MCUR1: variants seen among roughly 807,000 people sequenced by gnomAD.
MCUR1 encodes the protein MCU regulator 1.
In MCUR1, 37 loss-of-function variants were observed where a neutral mutation model predicts 42.0. The ratio of observed to expected loss-of-function variants is 0.88; its 90% CI spans 0.68 to 1.16. MCUR1 has a LOEUF of 1.16. MCUR1 is among the 50% of genes most tolerant of loss of function. The probability of loss-of-function intolerance (pLI) is 0.00; values close to 1 mark genes in which losing one functional copy is unlikely to be tolerated. For synonymous variants in MCUR1, 229 were observed against 196.2 expected (o/e 1.17, Z -1.40); for missense variants, 469 against 468.4 (o/e 1.00, Z -0.01).
At chr6:13,790,999 C>T (rs538907847) in intron 8 of MCUR1, 135 bp from the exon 9 acceptor site, 15 of 571,128 alleles carry the variant, frequency 2.6e-5, no homozygotes, top group Admixed American at 6.8e-5. Context: ...TTCCGTGAAA[C>T]GCCTGCCTAC....
chr6:13,804,255 G>C (rs762237366), intron 2 of MCUR1: 2 of 198,242 alleles, frequency 1.0e-5, no homozygotes, highest in South Asian at 1.2e-4. Context: ...ACCGGGAGGT[G>C]GGGGTTGCAG....
In MCUR1 at chr6:13,787,872, T is replaced by C. The variant is rs1759637006; in HGVS notation, c.*2937A>G. 1 of 152,160 alleles carries C rather than the reference T, an allele frequency of 6.6e-6. No homozygotes were observed. Among genetic ancestry groups the C allele is most frequent in the Admixed American group, 6.6e-5 (1 of 15,266 alleles). The allele number at this position is 152,160 out of a possible 1,614,324, so 9.4% of individuals were successfully genotyped here. A position where few individuals can be genotyped will look rare whatever the true frequency, so the allele number is the denominator to read the frequency against. ...TCAGGAGGTTCTATTTACTTATTTA[T>C]TTATTTTGAGACAGAGTCTCACTGT... On this transcript the variant is annotated 3_prime_UTR_variant, in exon 9 of 9. Transcript: ENST00000379170.
In MCUR1 at chr6:13,814,267, GAGGGCGC is replaced by G. The variant is rs1437810676; in HGVS notation, c.156_162del (p.Arg53AlafsTer20). On this transcript the variant is annotated frameshift_variant, in exon 1 of 9. Transcript: ENST00000379170. LOFTEE classifies it high-confidence loss of function. ...ACGCCGCCGCGGGCCGCCGGGGCGC[GAGGGCGC>G]AGCGCCCCCAGACCGTCGGAGAGCG... 6.8e-7 allele frequency: 1 copy of G among 1,477,220 alleles called. No individual in the cohort carries two copies. Among genetic ancestry groups the G allele is most frequent in the African/African-American group, 1.5e-5 (1 of 68,160 alleles). 91.5% of individuals were successfully genotyped at this position (1,477,220 alleles called of 1,614,324 possible).
intron 8 of MCUR1, 101 bp from the exon 9 acceptor site, chr6:13,790,965 T>C (rs1188579002): frequency 5.9e-6 from 5 of 846,372 alleles, no homozygotes; most frequent in African/African-American, 5.3e-5. Context: ...CCTAGAAACT[T>C]AGATTGCTCA....
chr6:13,805,910 A>C (rs571634001), intron 2 of MCUR1, among the ~76,000 whole-genome samples: 2 of 152,344 alleles, frequency 1.3e-5, no homozygotes, highest in South Asian at 4.1e-4. Context: ...ATATACCAGA[A>C]CAATCTTTTA....
chr6:13,789,905 T>C lies in MCUR1; in HGVS notation c.*904A>G, dbSNP rs997317454. On this transcript the variant is annotated 3_prime_UTR_variant, in exon 9 of 9. Transcript: ENST00000379170. ...TTGCAATGCTTCTTTAGACAGCTGA[T>C]TTTTCTGGCTGGAAGGCACATTAAA... 3 of 152,122 alleles carry C rather than the reference T, an allele frequency of 2.0e-5. No individual in the cohort carries two copies. Among genetic ancestry groups the C allele is most frequent in the Admixed American group, 6.6e-5 (1 of 15,264 alleles). The allele number at this position is 152,122 out of a possible 1,614,324, so 9.4% of individuals were successfully genotyped here. A position where few individuals can be genotyped will look rare whatever the true frequency, so the allele number is the denominator to read the frequency against.
At position 13,800,394 on chromosome 6, in the gene MCUR1, T is replaced by TA. The variant is rs3215484; in HGVS notation, c.742-13dup. The TA allele has an allele frequency of 9.1e-3, 12,571 of 1,374,556 alleles. 58 individuals are homozygous for TA. Among genetic ancestry groups the TA allele is most frequent in the Non-Finnish European group, 0.011 (11,327 of 986,758 alleles). 85.1% of individuals were successfully genotyped at this position (1,374,556 alleles called of 1,614,324 possible). ...TCGAGTTTTATTTTCTAAAAACACA[T>TA]AAAAAAAAAGTCATTAGAAAGAACA... On this transcript the variant is annotated splice_polypyrimidine_tract_variant and intron_variant, in intron 4 of 8. Coordinates refer to ENST00000379170, the MANE Select transcript of MCUR1 (RefSeq NM_001031713.4).
intron 2 of MCUR1, 69 bp from the exon 3 acceptor site, chr6:13,802,415 CA>C: frequency 1.7e-6 from 2 of 1,210,534 alleles, no homozygotes; most frequent in Non-Finnish European, 2.4e-6. Context: ...TGCACACATT[CA>C]TGTGAATGTC....
intron 7 of MCUR1, among the ~76,000 whole-genome samples, chr6:13,792,915 A>G (rs1468026577): frequency 6.6e-6 from 1 of 152,136 alleles, no homozygotes; most frequent in Non-Finnish European, 1.5e-5. Context: ...TAAAAATAGA[A>G]TAAGACTTCT....
chr6:13,801,212 GCT>G, intron 4 of MCUR1, 74 bp downstream of exon 4: 2 of 955,510 alleles, frequency 2.1e-6, no homozygotes, highest in Non-Finnish European at 3.3e-6. Context: ...CTTAACGTGT[GCT>G]CTTTTATGTG....
chr6:13,812,475 C>A (rs975174790), intron 1 of MCUR1, among the ~76,000 whole-genome samples: 8 of 152,158 alleles, frequency 5.3e-5, no homozygotes, highest in African/African-American at 1.9e-4. Flanking sequence ...TCTCTTTTTG[C>A]CCTATACTCT....
chr6:13,813,021 A>G (rs1035800077), intron 1 of MCUR1, among the ~76,000 whole-genome samples: 2 of 152,116 alleles, frequency 1.3e-5, no homozygotes, highest in African/African-American at 4.8e-5. Context: ...ACATATTTTT[A>G]CTCTACCTTT....
rs568452609 is a variant in MCUR1 at position 13,803,051 on chromosome 6, A to G, written c.536-705T>C. Among the ~76,000 whole-genome samples the G allele has an allele frequency of 5.9e-5, 9 of 152,284 alleles. No individual in the cohort carries two copies. The South Asian group carries it at 1.9e-3, about 32-fold the overall frequency. ...TACTGAATTGAATGATAGAGATTCAATGCAGTACTTGGTATTTTTTTTTTT... is the reference window on the plus strand; with the variant it reads ...TACTGAATTGAATGATAGAGATTCAGTGCAGTACTTGGTATTTTTTTTTTT... On this transcript the variant is annotated intron_variant, in intron 2 of 8. Coordinates refer to ENST00000379170, the MANE Select transcript of MCUR1 (RefSeq NM_001031713.4).
At chr6:13,797,677 C>T (rs559289237) in intron 6 of MCUR1, among the ~76,000 whole-genome samples, 32 of 149,992 alleles carry the variant, frequency 2.1e-4, no homozygotes, top group African/African-American at 7.1e-4. Context: ...CACTGCACTC[C>T]AGCCTGGGTG....
intron 6 of MCUR1, among the ~76,000 whole-genome samples, chr6:13,794,600 A>G (rs996065685): frequency 6.6e-6 from 1 of 151,314 alleles, no homozygotes. Flanking sequence ...ATAAAATACA[A>G]TGTAAATACA....
Position 13,788,184 on chromosome 6 carries a change from C to T in MCUR1, c.*2625G>A, listed in dbSNP as rs1759643432. The T allele has an allele frequency of 6.6e-6, 1 of 152,182 alleles. No homozygotes were observed. The highest frequency in any genetic ancestry group is 6.6e-5 in the Admixed American group (1 of 15,266). 9.4% of individuals were successfully genotyped at this position (152,182 alleles called of 1,614,324 possible). A position where few individuals can be genotyped will look rare whatever the true frequency, so the allele number is the denominator to read the frequency against. ...AGGCATGAGCCACCGCACCCAGCAT[C>T]AGTAAGTTTTAATATTACGTCTAGT... is the stretch of plus-strand genomic sequence containing the variant. On this transcript the variant is annotated 3_prime_UTR_variant, in exon 9 of 9. Transcript: ENST00000379170.
intron 6 of MCUR1, 111 bp from the exon 7 acceptor site, chr6:13,794,058 A>T: frequency 1.1e-6 from 1 of 870,868 alleles, no homozygotes; most frequent in Non-Finnish European, 1.9e-6. Flanking sequence ...GTAACACCAG[A>T]AAGTCACCTC....
chr6:13,802,805 CATT>C (rs1760019967), intron 2 of MCUR1, among the ~76,000 whole-genome samples: 1 of 152,076 alleles, frequency 6.6e-6, no homozygotes, highest in South Asian at 2.1e-4. Context: ...ATAATGTGTA[CATT>C]ATTAAAAAAT....
At chr6:13,808,501 A>C (rs1035305094) in intron 1 of MCUR1, among the ~76,000 whole-genome samples, 1 of 151,834 alleles carries the variant, frequency 6.6e-6, no homozygotes, top group Non-Finnish European at 1.5e-5. Flanking sequence ...CTTTTGATGA[A>C]GTCCAATTGA....
Sources: gnomAD v4.1 joint callset for allele counts (sites outside exome capture counted in the v4.1 genomes callset) on GRCh38, gnomAD v4.1.1 for gene constraint, MANE v1.5 for transcripts, NCBI Gene and HGNC (gene_info 2026-07-23, HGNC 2026-07-21) for gene names.